LUZP2: variants seen among roughly 807,000 people sequenced by gnomAD.
The protein encoded by LUZP2 is leucine zipper protein 2.
LUZP2 carries 52 observed loss-of-function variants against 51.6 expected under a neutral mutation model. That is an observed-to-expected ratio of 1.01 (90% CI 0.81 to 1.27). The LOEUF (loss-of-function observed/expected upper bound fraction) is 1.27, where lower values mean the gene tolerates loss of function less well. LUZP2 is among the 50% of genes most tolerant of loss of function. LUZP2 has a pLI of 0.00. For missense variants in LUZP2, 436 were observed against 395.4 expected (o/e 1.10, Z -0.87); for synonymous variants, 154 against 137.3 (o/e 1.12, Z -0.85).
At chr11:24,964,476 C>A (rs2133886049) in intron 7 of LUZP2, among the ~76,000 whole-genome samples, 1 of 152,230 alleles carries the variant, frequency 6.6e-6, no homozygotes, top group South Asian at 2.1e-4. Flanking sequence ...AATTGATCAG[C>A]AAACTACCTA....
At chr11:24,693,011 T>C (rs1857125991) in intron 1 of LUZP2, among the ~76,000 whole-genome samples, 1 of 151,934 alleles carries the variant, frequency 6.6e-6, no homozygotes, top group South Asian at 2.1e-4. Context: ...GAGCCTAGAT[T>C]ATATGTTCTT....
intron 1 of LUZP2, among the ~76,000 whole-genome samples, chr11:24,568,842 G>T (rs1590191506): frequency 6.6e-6 from 1 of 152,090 alleles, no homozygotes; most frequent in Non-Finnish European, 1.5e-5. Context: ...GATGGAGATG[G>T]TAAATAGCCG....
At chr11:25,010,158 G>A (rs1012555216) in intron 9 of LUZP2, among the ~76,000 whole-genome samples, 2 of 152,078 alleles carry the variant, frequency 1.3e-5, no homozygotes, top group African/African-American at 4.8e-5. Flanking sequence ...TTCTATTCAA[G>A]TAACCTTAAA....
At chr11:24,772,034 T>A (rs1435252720) in intron 5 of LUZP2, among the ~76,000 whole-genome samples, 3 of 152,158 alleles carry the variant, frequency 2.0e-5, no homozygotes, top group African/African-American at 7.2e-5. Context: ...TTAGCAATAT[T>A]CCTTCATAGG....
chr11:24,667,141 A>C (rs1856239143), intron 1 of LUZP2, among the ~76,000 whole-genome samples: 1 of 151,740 alleles, frequency 6.6e-6, no homozygotes, highest in Non-Finnish European at 1.5e-5. Context: ...TATATTCAAA[A>C]TACACAGTAC....
intron 1 of LUZP2, among the ~76,000 whole-genome samples, chr11:24,566,919 GTATATATGTATATATATA>G (rs1852257899): frequency 7.0e-6 from 1 of 141,910 alleles, no homozygotes; most frequent in Non-Finnish European, 1.5e-5. Flanking sequence ...ATATATATAT[GTATATATGTATATATATA>G]TACATAAATA....
intron 1 of LUZP2, among the ~76,000 whole-genome samples, chr11:24,554,828 T>A (rs1481535049): frequency 6.6e-6 from 1 of 151,696 alleles, no homozygotes; most frequent in Non-Finnish European, 1.5e-5. Context: ...GTAATGATGG[T>A]GTAAACAGTA....
At chr11:24,755,395 G>A (rs1347907969) in intron 4 of LUZP2, among the ~76,000 whole-genome samples, 1 of 152,096 alleles carries the variant, frequency 6.6e-6, no homozygotes, top group Non-Finnish European at 1.5e-5. Flanking sequence ...CCCTTTGCGG[G>A]TGGCTTTGAG....
At chr11:25,066,350 T>C (rs1858997790) in intron 10 of LUZP2, among the ~76,000 whole-genome samples, 1 of 151,918 alleles carries the variant, frequency 6.6e-6, no homozygotes, top group African/African-American at 2.4e-5. Flanking sequence ...AGATTTATGA[T>C]CTTTGGAGAT....
rs1458618461 is a variant in LUZP2, at chr11:24,566,322, A to ATTTC, written c.62+69020_62+69021insCTTT. Among the ~76,000 whole-genome samples the ATTTC allele has an allele frequency of 9.6e-3, 35 of 3,634 alleles. 1 individual carries two copies. Among genetic ancestry groups the ATTTC allele is most frequent in the Admixed American group, 0.028 (8 of 284 alleles). The allele number at this position is 3,634 out of a possible 152,430, so 2.4% of individuals were successfully genotyped here. On this transcript the variant is annotated intron_variant, in intron 1 of 11. Coordinates refer to ENST00000336930, the MANE Select transcript of LUZP2 (RefSeq NM_001009909.4). ...TATTTATTTATTTATTGTATTATTT[A>ATTTC]TTTATTTTTTTTTTTTTTTTTTTTT...
chr11:24,808,990 G>C (rs1424959580), intron 5 of LUZP2, among the ~76,000 whole-genome samples: 1 of 151,878 alleles, frequency 6.6e-6, no homozygotes, highest in Non-Finnish European at 1.5e-5. Context: ...ATTTTCTTTT[G>C]GAAGATAGGT....
chr11:24,998,559 G>A (rs1307679849), intron 9 of LUZP2, among the ~76,000 whole-genome samples: 6 of 152,250 alleles, frequency 3.9e-5, no homozygotes, highest in South Asian at 2.1e-4. Flanking sequence ...GGAGTTCCAC[G>A]TATTTCTACA....
intron 7 of LUZP2, among the ~76,000 whole-genome samples, chr11:24,937,439 A>G (rs1157410674): frequency 6.6e-6 from 1 of 152,216 alleles, no homozygotes. Flanking sequence ...GTTATGTAGC[A>G]GGATCAAATG....
chr11:25,014,748 A>C (rs1279680464), intron 9 of LUZP2, among the ~76,000 whole-genome samples: 1 of 152,074 alleles, frequency 6.6e-6, no homozygotes, highest in Non-Finnish European at 1.5e-5. Flanking sequence ...GAAGCTCTTT[A>C]GTTTAATTAG....
chr11:24,764,021 A>G (rs563954840), intron 5 of LUZP2, among the ~76,000 whole-genome samples: 1 of 152,302 alleles, frequency 6.6e-6, no homozygotes, highest in East Asian at 1.9e-4. Flanking sequence ...AGTAATCAGA[A>G]TACTGGGTAT....
At chr11:24,925,541 C>T (rs1355564544) in intron 7 of LUZP2, among the ~76,000 whole-genome samples, 1 of 151,984 alleles carries the variant, frequency 6.6e-6, no homozygotes, top group African/African-American at 2.4e-5. Context: ...GCCTACTAGC[C>T]TCACTTATTT....
At chr11:24,930,197 C>T (rs1031383603) in intron 7 of LUZP2, among the ~76,000 whole-genome samples, 4 of 152,046 alleles carry the variant, frequency 2.6e-5, no homozygotes, top group Non-Finnish European at 4.4e-5. Flanking sequence ...CATTCTATGC[C>T]TTTTAAGTGA....
chr11:24,681,082 C>T (rs373608123), intron 1 of LUZP2, among the ~76,000 whole-genome samples: 227 of 151,956 alleles, frequency 1.5e-3, no homozygotes, highest in African/African-American at 5.2e-3. Flanking sequence ...CCCGGGTTCA[C>T]GCCATTCTCC....
At chr11:24,689,898 T>C (rs1019229957) in intron 1 of LUZP2, among the ~76,000 whole-genome samples, 2 of 152,134 alleles carry the variant, frequency 1.3e-5, no homozygotes, top group African/African-American at 4.8e-5. Context: ...TCTCAACCCC[T>C]TTACTAATTT....
Sources: gnomAD v4.1 joint callset for allele counts (sites outside exome capture counted in the v4.1 genomes callset) on GRCh38, gnomAD v4.1.1 for gene constraint, MANE v1.5 for transcripts, NCBI Gene and HGNC (gene_info 2026-07-23, HGNC 2026-07-21) for gene names.